The following PLCB1 variants were observed in gnomAD, a reference collection of about 807,000 sequenced individuals.
The protein encoded by PLCB1 is phospholipase C beta 1, also known as 1-phosphatidylinositol 4,5-bisphosphate phosphodiesterase beta-1.
PLCB1 carries 46 observed loss-of-function variants against 161.8 expected under a neutral mutation model. The observed-to-expected ratio is 0.28, with a 90% CI of 0.22 to 0.36. PLCB1 has a LOEUF of 0.36. PLCB1 is among the 10% of genes least tolerant of loss of function. The pLI, the probability that PLCB1 is intolerant of heterozygous loss-of-function variation, is 1.00. For synonymous variants in PLCB1, 517 were observed against 503.7 expected (o/e 1.03, Z -0.35); for missense variants, 1,016 against 1,472.5 (o/e 0.69, Z 5.07).
At chr20:8,546,334 A>T (rs1985547865) in intron 3 of PLCB1, among the ~76,000 whole-genome samples, 1 of 138,380 alleles carries the variant, frequency 7.2e-6, no homozygotes, top group South Asian at 2.2e-4. Flanking sequence ...AAAAAAAAAA[A>T]AAAAGAAAGA....
chr20:8,332,042 G>T (rs566208925), intron 2 of PLCB1, among the ~76,000 whole-genome samples: 6 of 152,302 alleles, frequency 3.9e-5, no homozygotes, highest in Non-Finnish European at 5.9e-5. Context: ...AGATGTGATT[G>T]GGTGCCGGGT....
At chr20:8,811,225 G>C (rs928866142) in intron 31 of PLCB1, among the ~76,000 whole-genome samples, 4 of 152,134 alleles carry the variant, frequency 2.6e-5, no homozygotes, top group Admixed American at 6.5e-5. Context: ...AGGTGGGGAA[G>C]GGAACCAGGT....
In PLCB1 at chr20:8,658,670, G is replaced by A; in HGVS notation, c.828G>A (p.Glu276=). 1 of 1,611,972 alleles carries A rather than the reference G, an allele frequency of 6.2e-7. No homozygotes were observed. The highest frequency in any genetic ancestry group is 8.5e-7 in the Non-Finnish European group (1 of 1,179,194). ...LKQEQVQVLI[E]KYEPNNSLAR... ...AAGAGCAAGTCCAAGTATTGATTGA[G>A]AAGTATGAACCCAACAACAGCCTCG... The change falls in exon 9 of 32, where the codon GAG becomes GAA. Residue 276 remains glutamate, a synonymous_variant. Transcript: ENST00000338037.
At chr20:8,775,005 C>A (rs1224310566) in intron 27 of PLCB1, among the ~76,000 whole-genome samples, 1 of 150,194 alleles carries the variant, frequency 6.7e-6, no homozygotes, top group African/African-American at 2.4e-5. Context: ...TCTTTGAAAT[C>A]TCATAAGCAA....
chr20:8,716,616 A>G (rs1010440689), intron 13 of PLCB1, among the ~76,000 whole-genome samples: 15 of 152,196 alleles, frequency 9.9e-5, no homozygotes, highest in Admixed American at 9.2e-4. Flanking sequence ...AATTACAATC[A>G]GCCCATAGAG....
intron 2 of PLCB1, among the ~76,000 whole-genome samples, chr20:8,279,980 A>G (rs1336038046): frequency 6.6e-6 from 1 of 152,118 alleles, no homozygotes; most frequent in Non-Finnish European, 1.5e-5. Flanking sequence ...TCACTTCATA[A>G]TGATTTGTTT....
At position 8,684,186 on chromosome 20, in the gene PLCB1, A is replaced by C. The variant is rs1023237868; in HGVS notation, c.863-746A>C. On this transcript the variant is annotated intron_variant, in intron 9 of 31. Coordinates refer to ENST00000338037, the MANE Select transcript of PLCB1 (RefSeq NM_015192.4). ...GGCGTGAGCCACCGCGCCCAGCCCC[A>C]AAAACACTTTAACATTATTTTAAAT... Among the ~76,000 whole-genome samples the C allele has an allele frequency of 8.6e-5, 13 of 151,126 alleles. No homozygotes were observed. The East Asian group carries it at 1.8e-3, about 21-fold the overall frequency.
At chr20:8,239,332 A>G (rs1016085750) in intron 2 of PLCB1, among the ~76,000 whole-genome samples, 5 of 152,050 alleles carry the variant, frequency 3.3e-5, no homozygotes, top group East Asian at 3.9e-4. Context: ...TAACCTTCCT[A>G]TATAGTAAGG....
intron 2 of PLCB1, among the ~76,000 whole-genome samples, chr20:8,324,366 A>G (rs1985056943): frequency 6.6e-6 from 1 of 152,190 alleles, no homozygotes; most frequent in African/African-American, 2.4e-5. Flanking sequence ...ACAAACTTCT[A>G]AATCTATAAT....
At position 8,180,877 on chromosome 20, in the gene PLCB1, G is replaced by A. The variant is rs539813476; in HGVS notation, c.177+30506G>A. Among the ~76,000 whole-genome samples, 55 of 152,038 alleles carry A rather than the reference G, an allele frequency of 3.6e-4. 1 individual carries two copies. The highest frequency in any genetic ancestry group is 1.3e-3 in the African/African-American group (54 of 41,444). ...AATTAATGCCACAGGAAATACTTAT[G>A]AGACATTAAATTTAAAAAAGGAATT... On this transcript the variant is annotated intron_variant, in intron 2 of 31. Transcript: ENST00000338037.
At chr20:8,612,277 T>G (rs1438539546) in intron 3 of PLCB1, among the ~76,000 whole-genome samples, 1 of 152,168 alleles carries the variant, frequency 6.6e-6, no homozygotes, top group African/African-American at 2.4e-5. Flanking sequence ...CCTGGAACAT[T>G]CATTTGCATA....
At chr20:8,199,378 A>C (rs961284211) in intron 2 of PLCB1, among the ~76,000 whole-genome samples, 1 of 152,198 alleles carries the variant, frequency 6.6e-6, no homozygotes, top group Admixed American at 6.6e-5. Context: ...GTCTTATTGC[A>C]TATAGTTAAA....
chr20:8,392,876 A>G (rs568081133), intron 3 of PLCB1, among the ~76,000 whole-genome samples: 128 of 152,336 alleles, frequency 8.4e-4, no homozygotes, highest in Middle Eastern at 3.4e-3. Flanking sequence ...ATTTTCGTAG[A>G]TGAAAGAATT....
intron 9 of PLCB1, among the ~76,000 whole-genome samples, chr20:8,667,836 G>A (rs1391472313): frequency 1.3e-5 from 2 of 152,154 alleles, no homozygotes; most frequent in Non-Finnish European, 2.9e-5. Flanking sequence ...TTTCATGGGA[G>A]AGCTATTGGG....
chr20:8,285,788 G>T (rs1442197427), intron 2 of PLCB1, among the ~76,000 whole-genome samples: 1 of 152,144 alleles, frequency 6.6e-6, no homozygotes, highest in Non-Finnish European at 1.5e-5. Flanking sequence ...CCAGTGCGGG[G>T]TTTGTAGGAT....
At chr20:8,407,919 A>C in intron 3 of PLCB1, among the ~76,000 whole-genome samples, 1 of 152,118 alleles carries the variant, frequency 6.6e-6, no homozygotes, top group Non-Finnish European at 1.5e-5. Flanking sequence ...GATTCCTTAA[A>C]ACAGTCAAGG....
chr20:8,781,312 G>T (rs73083962), intron 27 of PLCB1, among the ~76,000 whole-genome samples: 56 of 151,886 alleles, frequency 3.7e-4, no homozygotes, highest in Non-Finnish European at 7.1e-4. Context: ...AGCAAAAGAT[G>T]TTAGTAGTGA....
At chr20:8,386,533 T>C (rs529140746) in intron 3 of PLCB1, among the ~76,000 whole-genome samples, 2 of 152,350 alleles carry the variant, frequency 1.3e-5, no homozygotes, top group African/African-American at 4.8e-5. Context: ...GTGCTGTTTA[T>C]AGAGCTCACG....
intron 31 of PLCB1, among the ~76,000 whole-genome samples, chr20:8,814,340 A>G (rs571652059): frequency 6.6e-6 from 1 of 152,294 alleles, no homozygotes; most frequent in South Asian, 2.1e-4. Flanking sequence ...TAGTTGAGAA[A>G]CCTAAATATT....
Sources: gnomAD v4.1 joint callset for allele counts (sites outside exome capture counted in the v4.1 genomes callset) on GRCh38, gnomAD v4.1.1 for gene constraint, MANE v1.5 for transcripts, NCBI Gene and HGNC (gene_info 2026-07-23, HGNC 2026-07-21) for gene names.